EFCAB7: variants seen among roughly 807,000 people sequenced by gnomAD.
The protein encoded by EFCAB7 is EF-hand calcium binding domain 7.
Under a neutral mutation model 77.1 loss-of-function variants are expected in EFCAB7, and 66 were observed. That is an observed-to-expected ratio of 0.86 (90% CI 0.70 to 1.05). The LOEUF (loss-of-function observed/expected upper bound fraction) is 1.05, where lower values mean the gene tolerates loss of function less well. Ranked by LOEUF, EFCAB7 falls within the 50% of genes least tolerant of loss-of-function variation. The pLI, the probability that EFCAB7 is intolerant of heterozygous loss-of-function variation, is 0.00. For missense variants in EFCAB7, 638 were observed against 730.5 expected, an observed-to-expected ratio of 0.87 and a Z score of 1.46; for synonymous variants, 225 against 243.3, an observed-to-expected ratio of 0.92 and a Z score of 0.70.
At chr1:63,543,971 C>CTTTT (rs35018430) in intron 6 of EFCAB7, among the ~76,000 whole-genome samples, 5 of 131,136 alleles carry the variant, frequency 3.8e-5, no homozygotes, top group Admixed American at 1.6e-4. Flanking sequence ...TTTCTTTTTT[C>CTTTT]TTTTTTTTTT....
At chr1:63,574,664 C>A (rs1647360102), downstream of EFCAB7, among the ~76,000 whole-genome samples, 1 of 152,136 alleles carries the variant, frequency 6.6e-6, no homozygotes, top group African/African-American at 2.4e-5. Context: ...GTGAATGACT[C>A]CAGCTTCCTT....
At chr1:63,573,630 C>T (rs985281479), downstream of EFCAB7, among the ~76,000 whole-genome samples, 8 of 152,012 alleles carry the variant, frequency 5.3e-5, no homozygotes, top group East Asian at 5.8e-4. Context: ...GAGTAGAGAA[C>T]GGTGAATAGG....
At chr1:63,537,208 C>T (rs1646773459) in intron 6 of EFCAB7, among the ~76,000 whole-genome samples, 1 of 152,144 alleles carries the variant, frequency 6.6e-6, no homozygotes, top group Non-Finnish European at 1.5e-5. Context: ...CAAGGAATGT[C>T]AGGAATTTTC....
In EFCAB7 at chr1:63,532,754, A is replaced by G. The variant is rs151059690; in HGVS notation, c.484A>G (p.Lys162Glu). ...VNADGKFDYI[K>E]FCKLYMTTNE... The stretch of plus-strand genomic sequence containing the variant: ...TGCTGATGGCAAATTTGACTACATC[A>G]AGGTACATAAGCTCACATTGATGTA... The change falls in exon 4 of 14, where the codon AAG becomes GAG. Residue 162 changes from lysine (K) to glutamate (E), a missense_variant and splice_region_variant. By Grantham distance (56) the Lys-to-Glu change is moderately conservative. Coordinates refer to ENST00000371088, the MANE Select transcript of EFCAB7 (RefSeq NM_032437.4). 5.8e-5 allele frequency: 93 copies of G among 1,597,210 alleles called. No individual in the cohort carries two copies. In the African/African-American group the frequency reaches 8.8e-4, roughly 15 times the overall value.
intron 10 of EFCAB7, among the ~76,000 whole-genome samples, chr1:63,558,831 C>T (rs183368): frequency 6.6e-6 from 1 of 151,516 alleles, no homozygotes; most frequent in African/African-American, 2.4e-5. Flanking sequence ...GGCGTGATCT[C>T]GGCTCACTGC....
chr1:63,578,951 A>G, the EFCAB7 span, among the ~76,000 whole-genome samples: 2 of 152,084 alleles, frequency 1.3e-5, no homozygotes, highest in Non-Finnish European at 2.9e-5. Context: ...TGAAACCTTT[A>G]ATTTTTTTCT....
chr1:63,541,605 C>T (rs1646829755), intron 6 of EFCAB7, among the ~76,000 whole-genome samples: 1 of 151,630 alleles, frequency 6.6e-6, no homozygotes, highest in African/African-American at 2.4e-5. Flanking sequence ...TGCCGTGTTA[C>T]CCAGGCTGGA....
chr1:63,558,036 G>C (rs1016966702), intron 10 of EFCAB7, among the ~76,000 whole-genome samples: 1 of 152,134 alleles, frequency 6.6e-6, no homozygotes, highest in African/African-American at 2.4e-5. Flanking sequence ...GTAGGGTAGA[G>C]AAGTATATTA....
intron 9 of EFCAB7, among the ~76,000 whole-genome samples, chr1:63,556,698 A>T (rs1389546664): frequency 6.6e-6 from 1 of 152,122 alleles, no homozygotes; most frequent in East Asian, 1.9e-4. Flanking sequence ...GTGTAACGCT[A>T]TATTACTTCC....
At chr1:63,565,525 A>G (rs1469420725) in intron 11 of EFCAB7, among the ~76,000 whole-genome samples, 5 of 152,188 alleles carry the variant, frequency 3.3e-5, no homozygotes, top group African/African-American at 1.2e-4. Context: ...AAAAGCAAAA[A>G]TTGATAAATG....
intron 6 of EFCAB7, among the ~76,000 whole-genome samples, chr1:63,541,447 C>T (rs1249622404): frequency 6.6e-6 from 1 of 152,068 alleles, no homozygotes; most frequent in East Asian, 1.9e-4. Context: ...AATTATTCAT[C>T]AGAAGAAAAG....
downstream of EFCAB7, among the ~76,000 whole-genome samples, chr1:63,574,310 G>A (rs923611232): frequency 6.6e-6 from 1 of 152,174 alleles, no homozygotes; most frequent in African/African-American, 2.4e-5. Context: ...TTAATGGCTT[G>A]TAACCTACAT....
At chr1:63,555,537 T>C in intron 9 of EFCAB7, 22 bp downstream of exon 9, 1 of 1,603,216 alleles carries the variant, frequency 6.2e-7, no homozygotes, top group Non-Finnish European at 8.5e-7. Flanking sequence ...TTATTAATGT[T>C]AGAATTATAA....
chr1:63,567,884 C>T (rs941783888), intron 11 of EFCAB7, among the ~76,000 whole-genome samples: 1 of 152,104 alleles, frequency 6.6e-6, no homozygotes, highest in Non-Finnish European at 1.5e-5. Context: ...TTAGACTAAA[C>T]GTTTAGTCAG....
At chr1:63,546,727 T>C (rs1351796307) in intron 7 of EFCAB7, among the ~76,000 whole-genome samples, 1 of 152,178 alleles carries the variant, frequency 6.6e-6, no homozygotes, top group African/African-American at 2.4e-5. Flanking sequence ...ATTTTTAAAA[T>C]TAATATGTCA....
intron 12 of EFCAB7, chr1:63,569,476 G>A (rs170090): frequency 0.6 from 91,806 of 152,030 alleles, 29,470 homozygotes; most frequent in African/African-American, 0.82. Flanking sequence ...GGACCATAGA[G>A]GTTGGGGAAG....
intron 6 of EFCAB7, among the ~76,000 whole-genome samples, chr1:63,544,691 G>A (rs749076182): frequency 1.3e-4 from 20 of 152,146 alleles, no homozygotes; most frequent in South Asian, 2.1e-4. Flanking sequence ...GATTACAGGC[G>A]TGAGCCACCG....
intron 10 of EFCAB7, 91 bp downstream of exon 10, chr1:63,557,338 G>A: frequency 9.9e-6 from 12 of 1,208,170 alleles, no homozygotes; most frequent in Non-Finnish European, 1.4e-5. Context: ...ACTTCTGCAT[G>A]AAATATTATT....
intron 7 of EFCAB7, chr1:63,548,910 G>A (rs1646931237): frequency 6.5e-6 from 1 of 154,722 alleles, no homozygotes; most frequent in Non-Finnish European, 1.4e-5. Context: ...AAAGTAGGTA[G>A]AAGGCAGGGT....
Sources: allele counts gnomAD v4.1 joint callset (sites outside exome capture counted in the v4.1 genomes callset), GRCh38; gene constraint gnomAD v4.1.1; transcripts MANE v1.5; gene names NCBI Gene and HGNC (gene_info 2026-07-23, HGNC 2026-07-21).